Variants in CDH11 observed in about 807,000 individuals in gnomAD.
CDH11 encodes the protein cadherin 11.
Under a neutral mutation model 67.8 loss-of-function variants are expected in CDH11, and 11 were observed. The observed-to-expected ratio is 0.16, with a 90% CI of 0.10 to 0.27. The LOEUF is 0.27. Among genes scored for constraint, CDH11 ranks in the 10% least tolerant of loss-of-function variants. The probability of loss-of-function intolerance (pLI) is 1.00; values close to 1 mark genes in which losing one functional copy is unlikely to be tolerated. For synonymous variants in CDH11, 419 were observed against 400.0 expected, an observed-to-expected ratio of 1.05 and a Z score of -0.57; for missense variants, 847 against 1,031.2, an observed-to-expected ratio of 0.82 and a Z score of 2.45.
At chr16:64,953,128 G>A (rs2071407415) in intron 11 of CDH11, among the ~76,000 whole-genome samples, 1 of 151,858 alleles carries the variant, frequency 6.6e-6, no homozygotes, top group Admixed American at 6.6e-5. Flanking sequence ...TTGCATTGTT[G>A]TATTACAATT....
intron 1 of CDH11, among the ~76,000 whole-genome samples, chr16:65,085,068 C>T (rs2142812639): frequency 6.6e-6 from 1 of 152,256 alleles, no homozygotes; most frequent in South Asian, 2.1e-4. Context: ...TGCCACCATG[C>T]CTGGCTAATT....
At position 64,946,358 on chromosome 16, in the gene CDH11, G is replaced by C. The variant is rs34859290; in HGVS notation, c.*1245C>G. Reference sequence around the variant, plus strand: ...TAGTCCCCCAGTTCCCCAGTGCTCAGTGTGGGGCATAGAATGTATACCTGG... The same window carrying C: ...TAGTCCCCCAGTTCCCCAGTGCTCACTGTGGGGCATAGAATGTATACCTGG... On this transcript the variant is annotated 3_prime_UTR_variant, in exon 13 of 13. Coordinates refer to ENST00000268603, the MANE Select transcript of CDH11 (RefSeq NM_001797.4). 0.3 allele frequency: 309,571 copies of C among 1,036,610 alleles called. 48,466 individuals carry two copies. Among genetic ancestry groups the C allele is most frequent in the East Asian group, 0.34 (5,931 of 17,266 alleles). 64.2% of individuals were successfully genotyped at this position (1,036,610 alleles called of 1,614,324 possible). A position where few individuals can be genotyped will look rare whatever the true frequency, so the allele number is the denominator to read the frequency against.
At chr16:65,003,633 G>T (rs1356284418) in intron 3 of CDH11, among the ~76,000 whole-genome samples, 1 of 152,168 alleles carries the variant, frequency 6.6e-6, no homozygotes, top group Non-Finnish European at 1.5e-5. Flanking sequence ...CTAGTGGGTA[G>T]GTAATTTTCC....
At chr16:65,057,292 C>A (rs1186157084) in intron 1 of CDH11, among the ~76,000 whole-genome samples, 1 of 152,198 alleles carries the variant, frequency 6.6e-6, no homozygotes, top group East Asian at 1.9e-4. Context: ...CCACTTCCTA[C>A]CTACTCTCGG....
chr16:65,109,873 ATGTT>A (rs146439648), intron 1 of CDH11, among the ~76,000 whole-genome samples: 5,044 of 151,766 alleles, frequency 0.033, 126 homozygotes, highest in South Asian at 0.12. Context: ...GGACTATTCA[ATGTT>A]TGTTTGTTTG....
intron 1 of CDH11, among the ~76,000 whole-genome samples, chr16:65,078,165 G>C (rs181052350): frequency 2.8e-4 from 43 of 152,326 alleles, no homozygotes; most frequent in African/African-American, 1.0e-3. Flanking sequence ...AAAAGTCAAA[G>C]AAACCTCCCT....
At chr16:64,951,879 T>A (rs1314862427) in intron 11 of CDH11, among the ~76,000 whole-genome samples, 1 of 152,064 alleles carries the variant, frequency 6.6e-6, no homozygotes, top group Non-Finnish European at 1.5e-5. Context: ...AGCCACCCAA[T>A]TAAACATGTC....
chr16:65,029,486 A>C (rs1051806194), intron 2 of CDH11, among the ~76,000 whole-genome samples: 1 of 152,234 alleles, frequency 6.6e-6, no homozygotes, highest in African/African-American at 2.4e-5. Context: ...TCTGCCAAGA[A>C]TAATAAAGGT....
At chr16:65,075,760 G>A (rs2074497805) in intron 1 of CDH11, among the ~76,000 whole-genome samples, 1 of 152,172 alleles carries the variant, frequency 6.6e-6, no homozygotes, top group South Asian at 2.1e-4. Flanking sequence ...TAGACAATGT[G>A]GTATTGGATA....
intron 11 of CDH11, among the ~76,000 whole-genome samples, chr16:64,956,917 G>A (rs1172418025): frequency 6.6e-6 from 1 of 152,154 alleles, no homozygotes. Flanking sequence ...AAGATGGAGA[G>A]AGAAAGAAGA....
At chr16:65,009,961 A>G (rs2073141763) in intron 2 of CDH11, among the ~76,000 whole-genome samples, 1 of 152,172 alleles carries the variant, frequency 6.6e-6, no homozygotes, top group Non-Finnish European at 1.5e-5. Flanking sequence ...GTCTCCGTTA[A>G]AGAAAATGAC....
chr16:65,122,360 G>A (rs1210838271), upstream of CDH11: 1 of 233,982 alleles, frequency 4.3e-6, no homozygotes, highest in South Asian at 4.8e-5. Flanking sequence ...GGCTCAGATG[G>A]AGTCTGGAGC....
Position 64,996,965 on chromosome 16 carries a change from C to G in CDH11, c.523+1597G>C, listed in dbSNP as rs2072784734. Among the ~76,000 whole-genome samples the G allele has an allele frequency of 2.0e-5, 3 of 151,960 alleles. No individual in the cohort carries two copies. The South Asian group carries it at 6.2e-4, about 32-fold the overall frequency. On this transcript the variant is annotated intron_variant, in intron 4 of 12. Transcript: ENST00000268603. ...TGATGGGGTCATTCATACCACAAAC[C>G]TCAGTGTTACACAGTATATTCATGT...
At chr16:65,057,539 A>G (rs935349048) in intron 1 of CDH11, among the ~76,000 whole-genome samples, 1 of 152,200 alleles carries the variant, frequency 6.6e-6, no homozygotes, top group Admixed American at 6.5e-5. Context: ...CAGTAAGCAT[A>G]CCAAAATCAA....
chr16:65,006,426 G>A (rs757537467), intron 2 of CDH11, among the ~76,000 whole-genome samples: 1 of 152,154 alleles, frequency 6.6e-6, no homozygotes, highest in Non-Finnish European at 1.5e-5. Context: ...ATAGTGGAAG[G>A]TACATAGACT....
intron 11 of CDH11, among the ~76,000 whole-genome samples, chr16:64,960,881 G>C (rs1287195995): frequency 2.0e-5 from 3 of 152,202 alleles, no homozygotes; most frequent in African/African-American, 7.2e-5. Flanking sequence ...AGGGCTGAGT[G>C]AAGTGGGGGC....
At chr16:65,033,462 C>A (rs1033590393) in intron 2 of CDH11, among the ~76,000 whole-genome samples, 1 of 152,062 alleles carries the variant, frequency 6.6e-6, no homozygotes, top group Non-Finnish European at 1.5e-5. Context: ...CACCAGTGGT[C>A]GGGTGCGGTG....
At chr16:65,052,068 G>A (rs2074065202) in intron 2 of CDH11, among the ~76,000 whole-genome samples, 1 of 152,180 alleles carries the variant, frequency 6.6e-6, no homozygotes, top group Admixed American at 6.5e-5. Flanking sequence ...CATATAGTAA[G>A]CATGCAAAAC....
At chr16:65,052,700 G>C (rs141995739) in intron 2 of CDH11, among the ~76,000 whole-genome samples, 1 of 152,260 alleles carries the variant, frequency 6.6e-6, no homozygotes, top group African/African-American at 2.4e-5. Context: ...CATTGTTCAG[G>C]ATATACATAG....
Sources: allele counts gnomAD v4.1 joint callset (sites outside exome capture counted in the v4.1 genomes callset), GRCh38; gene constraint gnomAD v4.1.1; transcripts MANE v1.5; gene names NCBI Gene and HGNC (gene_info 2026-07-23, HGNC 2026-07-21).